CTTNBP2: variants seen among roughly 807,000 people sequenced by gnomAD.
The protein encoded by CTTNBP2 is cortactin-binding protein 2.
A neutral mutation model predicts 156.9 loss-of-function variants in CTTNBP2; 108 were observed. That is an observed-to-expected ratio of 0.69 (90% CI 0.59 to 0.81). CTTNBP2 has a LOEUF of 0.81. CTTNBP2 is among the 30% of genes least tolerant of loss of function. The pLI, the probability that CTTNBP2 is intolerant of heterozygous loss-of-function variation, is 0.00. For synonymous variants in CTTNBP2, 767 were observed against 751.8 expected (o/e 1.02, Z -0.33); for missense variants, 1,924 against 2,035.4 (o/e 0.95, Z 1.05).
At chr7:117,734,178 A>G (rs578005470) in intron 16 of CTTNBP2, among the ~76,000 whole-genome samples, 1 of 152,160 alleles carries the variant, frequency 6.6e-6, no homozygotes. Context: ...GTGAGGGGGA[A>G]AATCCTCTTT....
chr7:117,737,973 A>T (rs1377959387), intron 14 of CTTNBP2, among the ~76,000 whole-genome samples: 1 of 152,248 alleles, frequency 6.6e-6, no homozygotes, highest in Non-Finnish European at 1.5e-5. Flanking sequence ...GATCAAGGTC[A>T]GAATAGTTAT....
chr7:117,824,244 T>C (rs1220021758), intron 2 of CTTNBP2, among the ~76,000 whole-genome samples: 1 of 152,132 alleles, frequency 6.6e-6, no homozygotes, highest in Non-Finnish European at 1.5e-5. Context: ...TATTTTAAGA[T>C]TATTCTTGGC....
chr7:117,835,152 G>C (rs567007460), intron 2 of CTTNBP2, among the ~76,000 whole-genome samples: 2 of 152,194 alleles, frequency 1.3e-5, no homozygotes, highest in Non-Finnish European at 2.9e-5. Flanking sequence ...CTCCCACAGG[G>C]GACGGCTGAA....
intron 3 of CTTNBP2, among the ~76,000 whole-genome samples, chr7:117,796,600 G>GT (rs1177658419): frequency 1.3e-5 from 2 of 152,118 alleles, no homozygotes; most frequent in Non-Finnish European, 2.9e-5. Flanking sequence ...TTATTTTATG[G>GT]TTTTAAATAA....
chr7:117,760,798 C>T (rs1408178176), intron 9 of CTTNBP2, 88 bp from the exon 10 acceptor site: 2 of 878,692 alleles, frequency 2.3e-6, no homozygotes, highest in Non-Finnish European at 3.4e-6. Context: ...CAGATATAAA[C>T]ATTTAAAAAT....
At chr7:117,870,495 T>C (rs1398018463) in intron 1 of CTTNBP2, among the ~76,000 whole-genome samples, 2 of 152,216 alleles carry the variant, frequency 1.3e-5, no homozygotes, top group Non-Finnish European at 2.9e-5. Flanking sequence ...ATTGTCCAAG[T>C]TTTTCTTTGT....
Position 117,738,073 on chromosome 7 carries a change from G to A in CTTNBP2, c.3536-2652C>T, listed in dbSNP as rs575143895. Among the ~76,000 whole-genome samples the A allele has an allele frequency of 3.0e-4, 45 of 152,298 alleles. 1 individual carries two copies. The South Asian group carries it at 8.9e-3, about 30-fold the overall frequency. ...TGGGGTGGTGCCACAGGAGTGGCAG[G>A]GCGCCCAGCAGTCACAGCTGCGGAA... On this transcript the variant is annotated intron_variant, in intron 14 of 22. Transcript: ENST00000160373.
intron 2 of CTTNBP2, among the ~76,000 whole-genome samples, chr7:117,833,781 C>T (rs1801763988): frequency 6.6e-6 from 1 of 152,216 alleles, no homozygotes. Flanking sequence ...TTACCTAGTA[C>T]ACAACAAGCA....
intron 2 of CTTNBP2, among the ~76,000 whole-genome samples, chr7:117,817,388 A>ATATATATATATATATATATATATAT (rs1554437687): frequency 4.8e-5 from 6 of 124,768 alleles, no homozygotes; most frequent in Admixed American, 8.3e-5. Flanking sequence ...ATATATATAT[A>ATATATATATATATATATATATATAT]ATTTCATCAG....
intron 22 of CTTNBP2, among the ~76,000 whole-genome samples, chr7:117,717,492 A>T (rs944340614): frequency 2.0e-5 from 3 of 152,142 alleles, no homozygotes; most frequent in Non-Finnish European, 4.4e-5. Context: ...ATCTGGAAAT[A>T]CACAATTCAT....
intron 8 of CTTNBP2, among the ~76,000 whole-genome samples, chr7:117,773,623 T>C (rs913890488): frequency 7.3e-6 from 1 of 137,380 alleles, no homozygotes; most frequent in Non-Finnish European, 1.5e-5. Flanking sequence ...CAGCTGAGAA[T>C]AAAGCTTGGG....
chr7:117,734,097 G>A (rs1038681041), intron 16 of CTTNBP2, among the ~76,000 whole-genome samples: 18 of 152,286 alleles, frequency 1.2e-4, no homozygotes, highest in South Asian at 4.1e-4. Flanking sequence ...CAGTCTTGAC[G>A]GGAGGGTCAA....
intron 6 of CTTNBP2, among the ~76,000 whole-genome samples, chr7:117,782,406 T>C (rs1381225277): frequency 1.3e-5 from 2 of 152,184 alleles, no homozygotes; most frequent in African/African-American, 4.8e-5. Context: ...TTGTTTTAAA[T>C]GGTAAAACAA....
At chr7:117,732,604 C>G (rs1447957155) in intron 16 of CTTNBP2, among the ~76,000 whole-genome samples, 1 of 143,308 alleles carries the variant, frequency 7.0e-6, no homozygotes. Context: ...GAGCCGAGAT[C>G]ACGCCACTGC....
At chr7:117,826,464 A>G (rs1370912093) in intron 2 of CTTNBP2, among the ~76,000 whole-genome samples, 1 of 152,192 alleles carries the variant, frequency 6.6e-6, no homozygotes, top group African/African-American at 2.4e-5. Flanking sequence ...CATTAACTTT[A>G]TAAGTCTTTC....
intron 1 of CTTNBP2, chr7:117,871,469 G>A (rs1462494133): frequency 6.2e-6 from 1 of 160,390 alleles, no homozygotes; most frequent in East Asian, 1.9e-4. Context: ...AGCAAAGAAG[G>A]TTCACTTTCG....
chr7:117,753,993 TG>T (rs1210926091), intron 12 of CTTNBP2, among the ~76,000 whole-genome samples: 1 of 152,236 alleles, frequency 6.6e-6, no homozygotes, highest in Non-Finnish European at 1.5e-5. Flanking sequence ...CACATCAATG[TG>T]CCTGTAGTTA....
At chr7:117,750,410 T>A (rs1482398623) in intron 12 of CTTNBP2, among the ~76,000 whole-genome samples, 20 of 152,222 alleles carry the variant, frequency 1.3e-4, no homozygotes, top group Admixed American at 9.2e-4. Context: ...CATAGTCTAA[T>A]GTCCCTCATG....
intron 9 of CTTNBP2, among the ~76,000 whole-genome samples, chr7:117,763,321 C>A (rs1401528902): frequency 6.6e-6 from 1 of 152,042 alleles, no homozygotes; most frequent in Non-Finnish European, 1.5e-5. Flanking sequence ...AACTATTCTA[C>A]CAGAGATTTT....
Sources: gnomAD v4.1 joint callset for allele counts (sites outside exome capture counted in the v4.1 genomes callset) on GRCh38, gnomAD v4.1.1 for gene constraint, MANE v1.5 for transcripts, NCBI Gene and HGNC (gene_info 2026-07-23, HGNC 2026-07-21) for gene names.